The following RAB33B variants were observed in gnomAD, a reference collection of about 807,000 sequenced individuals.
RAB33B encodes the protein RAB33B, member RAS oncogene family.
Under a neutral mutation model 15.0 loss-of-function variants are expected in RAB33B, and 6 were observed. The ratio of observed to expected loss-of-function variants is 0.40; its 90% CI spans 0.22 to 0.79. The LOEUF (loss-of-function observed/expected upper bound fraction) is 0.79. Among genes scored for constraint, RAB33B ranks in the 30% least tolerant of loss-of-function variants. The pLI is 0.37. For synonymous variants in RAB33B, 117 were observed against 108.3 expected, an observed-to-expected ratio of 1.08 and a Z score of -0.50; for missense variants, 257 against 296.4, an observed-to-expected ratio of 0.87 and a Z score of 0.98.
In RAB33B at chr4:139,454,264, A is replaced by G. The variant is rs1185504573; in HGVS notation, c.69A>G (p.Ser23=). Reference sequence around the variant, plus strand: ...CCAGCGGGGCAGTGTCAGGGGCCTCAGGGTTTTTGCCTCCTGCCCGCTCCC... The same window carrying G: ...CCAGCGGGGCAGTGTCAGGGGCCTCGGGGTTTTTGCCTCCTGCCCGCTCCC... The part of the protein sequence containing the change: ...FSSSGAVSGA[S]GFLPPARSRI... Residue 23 remains serine (S), a synonymous_variant, in exon 1 of 2, where the codon TCA becomes TCG. Transcript: ENST00000305626. 2 of 1,614,114 alleles carry G rather than the reference A, an allele frequency of 1.2e-6. No homozygotes were observed. The highest frequency in any genetic ancestry group is 3.3e-5 in the Admixed American group (2 of 60,018).
intron 1 of RAB33B, among the ~76,000 whole-genome samples, chr4:139,465,722 C>CTTTTTTTTTTTTTTT (rs375295002): frequency 7.5e-6 from 1 of 133,238 alleles, no homozygotes; most frequent in Non-Finnish European, 1.6e-5. Context: ...TCTTCTTCTT[C>CTTTTTTTTTTTTTTT]TTTTTTTTTT....
intron 1 of RAB33B, among the ~76,000 whole-genome samples, chr4:139,465,247 T>C (rs893605458): frequency 2.6e-5 from 4 of 152,228 alleles, no homozygotes; most frequent in Non-Finnish European, 4.4e-5. Context: ...TTTGATTTTT[T>C]CTTGTAAATT....
At chr4:139,448,073 G>A in the RAB33B span, among the ~76,000 whole-genome samples, 1 of 152,176 alleles carries the variant, frequency 6.6e-6, no homozygotes, top group African/African-American at 2.4e-5. Context: ...CCACAACTGA[G>A]GTAAGGAAGA....
chr4:139,454,278 C>T lies in RAB33B; in HGVS notation c.83C>T (p.Pro28Leu), dbSNP rs1401671327. 1.2e-6 allele frequency: 2 copies of T among 1,614,182 alleles called. No homozygotes were observed. The highest frequency in any genetic ancestry group is 1.7e-6 in the Non-Finnish European group (2 of 1,180,006). ...TCAGGGGCCTCAGGGTTTTTGCCTC[C>T]TGCCCGCTCCCGCATCTTCAAGATA... The part of the protein sequence containing the change: ...AVSGASGFLP[P>L]ARSRIFKIIV... Residue 28 changes from proline (P) to leucine (L), a missense_variant, in exon 1 of 2, where the codon CCT becomes CTT. Transcript: ENST00000305626.
intron 1 of RAB33B, among the ~76,000 whole-genome samples, chr4:139,464,788 T>C (rs984326962): frequency 6.6e-6 from 1 of 152,214 alleles, no homozygotes; most frequent in Non-Finnish European, 1.5e-5. Context: ...CAGTCTATCA[T>C]TGTTGGACAT....
intron 1 of RAB33B, among the ~76,000 whole-genome samples, chr4:139,467,408 T>C (rs955876493): frequency 6.8e-6 from 1 of 147,900 alleles, no homozygotes; most frequent in African/African-American, 2.5e-5. Context: ...GAACAACATT[T>C]TGATTTTTTT....
chr4:139,465,552 GA>G lies in RAB33B; in HGVS notation c.250-7132del, dbSNP rs924595169. Among the ~76,000 whole-genome samples, 38 of 152,124 alleles carry G rather than the reference GA, an allele frequency of 2.5e-4. 1 individual carries two copies. Among genetic ancestry groups the G allele is most frequent in the Admixed American group, 1.4e-3 (21 of 15,252 alleles). On this transcript the variant is annotated intron_variant, in intron 1 of 1. Transcript: ENST00000305626. ...AACATTTAAGTCTTTAATCCATCTT[GA>G]ATTAATTTTTGTATAAGGTGTAAGG...
At chr4:139,449,771 A>T (rs1035419215), upstream of RAB33B, 2 of 151,984 alleles carry the variant, frequency 1.3e-5, no homozygotes, top group Non-Finnish European at 2.9e-5. Context: ...ATATATATAT[A>T]TATATCTCCT....
the RAB33B span, among the ~76,000 whole-genome samples, chr4:139,439,513 G>A: frequency 1.3e-5 from 2 of 152,100 alleles, no homozygotes; most frequent in African/African-American, 4.8e-5. Flanking sequence ...GTGTTTCTTT[G>A]AGTTCATCCT....
At position 139,471,522 on chromosome 4, in the gene RAB33B, G is replaced by GT. The variant is rs568722111; in HGVS notation, c.250-1146dup. ...TCACCTGATTTTTGGTTCTTATGAA[G>GT]TTTTTTTTTTTTTTTTTTCCTGTGT... is the stretch of plus-strand genomic sequence containing the variant. On this transcript the variant is annotated intron_variant, in intron 1 of 1. Coordinates refer to ENST00000305626, the MANE Select transcript of RAB33B (RefSeq NM_031296.3). Among the ~76,000 whole-genome samples the GT allele has an allele frequency of 6.8e-3, 922 of 135,610 alleles. 2 individuals are homozygous for GT. The highest frequency in any genetic ancestry group is 8.0e-3 in the Non-Finnish European group (494 of 62,044). 89.0% of individuals were successfully genotyped at this position (135,610 alleles called of 152,430 possible).
chr4:139,440,882 A>G, the RAB33B span, among the ~76,000 whole-genome samples: 1 of 152,198 alleles, frequency 6.6e-6, no homozygotes, highest in South Asian at 2.1e-4. Flanking sequence ...AAGTGCTAGG[A>G]TTACAGGCAT....
chr4:139,469,117 G>A (rs1396842586), intron 1 of RAB33B, among the ~76,000 whole-genome samples: 1 of 152,060 alleles, frequency 6.6e-6, no homozygotes, highest in Admixed American at 6.5e-5. Context: ...GGTTTGGGAA[G>A]TTTTCTGTAT....
chr4:139,454,495 C>A (rs767052914), intron 1 of RAB33B, 51 bp downstream of exon 1: 1 of 1,577,926 alleles, frequency 6.3e-7, no homozygotes, highest in South Asian at 1.1e-5. Flanking sequence ...GTGTCCCAAC[C>A]CCACCGTGGG....
chr4:139,470,055 C>T (rs1296693801), intron 1 of RAB33B, among the ~76,000 whole-genome samples: 1 of 152,330 alleles, frequency 6.6e-6, no homozygotes, highest in Non-Finnish European at 1.5e-5. Flanking sequence ...TCCCTGGCTA[C>T]CGCCTATGTT....
intron 1 of RAB33B, among the ~76,000 whole-genome samples, chr4:139,469,315 T>C (rs544002605): frequency 6.6e-6 from 1 of 152,342 alleles, no homozygotes; most frequent in South Asian, 2.1e-4. Flanking sequence ...TTGCTTATTC[T>C]TTCTTCTGCT....
At position 139,475,967 on chromosome 4, in the gene RAB33B, A is replaced by C. The variant is rs1007528903; in HGVS notation, c.*2841A>C. On this transcript the variant is annotated 3_prime_UTR_variant, in exon 2 of 2. Transcript: ENST00000305626. ...TACTGGGTAGAGTATAAAATAAAAC[A>C]ATCTTTTTTTCCTCCTGGTTTCCAG... is the stretch of plus-strand genomic sequence containing the variant. 1.3e-5 allele frequency: 2 copies of C among 152,152 alleles called. No homozygotes were observed. Among genetic ancestry groups the C allele is most frequent in the Non-Finnish European group, 2.9e-5 (2 of 68,018 alleles). The allele number at this position is 152,152 out of a possible 1,614,324, so 9.4% of individuals were successfully genotyped here. A position where few individuals can be genotyped will look rare whatever the true frequency, so the allele number is the denominator to read the frequency against.
rs762852071 is a variant in RAB33B at position 139,454,370 on chromosome 4, C to T, written c.175C>T (p.Pro59Ser). 9 of 1,613,882 alleles carry T rather than the reference C, an allele frequency of 5.6e-6. No homozygotes were observed. The South Asian group carries it at 6.6e-5, about 12-fold the overall frequency. ...CTACCGCTTCTGCGCTGGCCGCTTC[C>T]CCGACCGCACCGAGGCCACGATAGG... The part of the protein sequence containing the change: ...LTYRFCAGRF[P>S]DRTEATIGVD... Residue 59 changes from proline (P) to serine (S), a missense_variant, in exon 1 of 2, where the codon CCC becomes TCC. Pro to Ser is a moderately conservative substitution (Grantham distance 74, BLOSUM62 -1). Coordinates refer to ENST00000305626, the MANE Select transcript of RAB33B (RefSeq NM_031296.3).
At chr4:139,443,540 G>A in the RAB33B span, among the ~76,000 whole-genome samples, 1 of 152,206 alleles carries the variant, frequency 6.6e-6, no homozygotes, top group Non-Finnish European at 1.5e-5. Context: ...CTAAGTGAGA[G>A]TCTTATCTCC....
At chr4:139,461,571 T>C (rs1269327911) in intron 1 of RAB33B, among the ~76,000 whole-genome samples, 2 of 152,076 alleles carry the variant, frequency 1.3e-5, no homozygotes, top group Non-Finnish European at 2.9e-5. Context: ...ATTAATAGTT[T>C]AAGAGTAAAT....
Sources: allele counts gnomAD v4.1 joint callset (sites outside exome capture counted in the v4.1 genomes callset), GRCh38; gene constraint gnomAD v4.1.1; transcripts MANE v1.5; gene names NCBI Gene and HGNC (gene_info 2026-07-23, HGNC 2026-07-21).